C1GALT1: variants seen among roughly 807,000 people sequenced by gnomAD.
C1GALT1 encodes the protein core 1 synthase, glycoprotein-N-acetylgalactosamine 3-beta-galactosyltransferase 1, also known as glycoprotein-N-acetylgalactosamine 3-beta-galactosyltransferase 1.
In C1GALT1, 11 loss-of-function variants were observed where a neutral mutation model predicts 31.0. The observed-to-expected ratio is 0.36, with a 90% CI of 0.22 to 0.59. C1GALT1 has a LOEUF of 0.59. C1GALT1 is among the 20% of genes least tolerant of loss of function. The pLI, the probability that C1GALT1 is intolerant of heterozygous loss-of-function variation, is 0.79. For missense variants in C1GALT1, 424 were observed against 425.2 expected (o/e 1.00, Z 0.03); for synonymous variants, 175 against 143.6 (o/e 1.22, Z -1.56).
In C1GALT1 at chr7:7,234,419, A is replaced by G; in HGVS notation, c.100A>G (p.Lys34Glu). The change falls in exon 2 of 4, where the codon AAG becomes GAG. Residue 34 changes from lysine to glutamate, a missense_variant. By Grantham distance (56) the Lys-to-Glu change is moderately conservative. Coordinates refer to ENST00000436587, the MANE Select transcript of C1GALT1 (RefSeq NM_020156.5). ...GCTATTTAGTATTTTGTTGGGAGAA[A>G]AGGTTGACACCCAGCCTAATGTTCT... ...SQLFSILLGE[K>E]VDTQPNVLHN... 10 of 1,613,878 alleles carry G rather than the reference A, an allele frequency of 6.2e-6. No homozygotes were observed. Among genetic ancestry groups the G allele is most frequent in the Non-Finnish European group, 8.5e-6 (10 of 1,179,822 alleles).
intron 1 of C1GALT1, among the ~76,000 whole-genome samples, chr7:7,230,882 A>G (rs1334811515): frequency 6.6e-6 from 1 of 151,998 alleles, no homozygotes; most frequent in East Asian, 1.9e-4. Context: ...TTTAATGGTA[A>G]TAATACTAAT....
chr7:7,230,767 A>C (rs923117323), intron 1 of C1GALT1, among the ~76,000 whole-genome samples: 1 of 150,272 alleles, frequency 6.7e-6, no homozygotes, highest in Non-Finnish European at 1.5e-5. Flanking sequence ...GCTATTATTA[A>C]TCAGTTTTTT....
intron 1 of C1GALT1, among the ~76,000 whole-genome samples, chr7:7,223,577 T>C (rs931014682): frequency 1.3e-5 from 2 of 152,082 alleles, no homozygotes; most frequent in African/African-American, 4.8e-5. Flanking sequence ...TTTTTGTTTG[T>C]TTTTTATTAT....
chr7:7,191,398 G>A (rs1781065610), intron 1 of C1GALT1, among the ~76,000 whole-genome samples: 1 of 152,060 alleles, frequency 6.6e-6, no homozygotes, highest in Non-Finnish European at 1.5e-5. Context: ...GTGAACACGT[G>A]GTTTGCTTCA....
At chr7:7,208,982 C>G (rs758352677) in intron 1 of C1GALT1, among the ~76,000 whole-genome samples, 1 of 152,216 alleles carries the variant, frequency 6.6e-6, no homozygotes, top group Non-Finnish European at 1.5e-5. Flanking sequence ...GAGATAGATT[C>G]TACCAGCGTA....
chr7:7,234,554 A>G lies in C1GALT1; in HGVS notation c.220+15A>G. ...CCAACATAAAGGTATGGTTTACTTT[A>G]TTAAGCAGTAAACATAAGCAGTATT... On this transcript the variant is annotated intron_variant, in intron 2 of 3. Transcript: ENST00000436587. The G allele has an allele frequency of 6.4e-7, 1 of 1,569,006 alleles. No homozygotes were observed. Among genetic ancestry groups the G allele is most frequent in the Non-Finnish European group, 8.8e-7 (1 of 1,140,152 alleles).
chr7:7,159,362 C>T (rs1489803921), intron 2 of C1GALT1, among the ~76,000 whole-genome samples: 1 of 151,182 alleles, frequency 6.6e-6, no homozygotes, highest in Non-Finnish European at 1.5e-5. Context: ...TGGAAAGACG[C>T]GGGACAAATA....
At chr7:7,177,245 C>T (rs1583732357) in intron 2 of C1GALT1, among the ~76,000 whole-genome samples, 1 of 152,294 alleles carries the variant, frequency 6.6e-6, no homozygotes, top group East Asian at 1.9e-4. Flanking sequence ...ATTTACCTCT[C>T]AGGTTAGTCA....
intron 1 of C1GALT1, among the ~76,000 whole-genome samples, chr7:7,212,880 C>A (rs1300038870): frequency 6.6e-6 from 1 of 152,122 alleles, no homozygotes; most frequent in Admixed American, 6.5e-5. Context: ...AGGGGAATGT[C>A]ACGATGGCTT....
rs1394264104 is a variant in C1GALT1, at chr7:7,248,507, G to C, written c.*4780G>C. On this transcript the variant is annotated 3_prime_UTR_variant, in exon 4 of 4. Transcript: ENST00000436587. Reference sequence around the variant, plus strand: ...TCTGGTGACTTGCTTATTTTTAAGTGATCACCATTAAGTCAGAAAAATGTA... The same window carrying C: ...TCTGGTGACTTGCTTATTTTTAAGTCATCACCATTAAGTCAGAAAAATGTA... 6.6e-6 allele frequency: 1 copy of C among 151,980 alleles called. No individual in the cohort carries two copies. Among genetic ancestry groups the C allele is most frequent in the African/African-American group, 2.4e-5 (1 of 41,426 alleles). 9.4% of individuals were successfully genotyped at this position (151,980 alleles called of 1,614,324 possible).
chr7:7,214,460 C>G (rs566346701), intron 1 of C1GALT1, among the ~76,000 whole-genome samples: 2 of 152,220 alleles, frequency 1.3e-5, no homozygotes, highest in Middle Eastern at 3.4e-3. Context: ...TTAAGTATAC[C>G]TATAACTTGA....
chr7:7,180,058 C>T (rs1780553028), upstream of C1GALT1, among the ~76,000 whole-genome samples: 1 of 152,100 alleles, frequency 6.6e-6, no homozygotes, highest in Admixed American at 6.5e-5. Flanking sequence ...AATCAGAGTT[C>T]TACTAGTAAA....
chr7:7,200,545 C>T (rs1485932646), intron 1 of C1GALT1, among the ~76,000 whole-genome samples: 1 of 152,122 alleles, frequency 6.6e-6, no homozygotes, highest in Non-Finnish European at 1.5e-5. Context: ...GTTGGCCTGC[C>T]TCGCTAGATT....
upstream of C1GALT1, among the ~76,000 whole-genome samples, chr7:7,181,663 G>C (rs932879117): frequency 6.6e-6 from 1 of 152,176 alleles, no homozygotes; most frequent in East Asian, 1.9e-4. Context: ...CAAGATGCCA[G>C]CCCGGGCAGT....
At chr7:7,167,524 A>G (rs1288338750) in intron 2 of C1GALT1, among the ~76,000 whole-genome samples, 1 of 152,210 alleles carries the variant, frequency 6.6e-6, no homozygotes, top group East Asian at 1.9e-4. Flanking sequence ...TAAGAGTAAT[A>G]CATCTTTAAT....
chr7:7,233,828 A>G (rs1049801016), intron 1 of C1GALT1, among the ~76,000 whole-genome samples: 5 of 152,242 alleles, frequency 3.3e-5, no homozygotes, highest in Admixed American at 6.5e-5. Context: ...GGATTGTTTA[A>G]GAAGAAGATG....
chr7:7,243,505 G>GTT lies in C1GALT1; in HGVS notation c.889-17_889-16dup. The GTT allele has an allele frequency of 6.4e-7, 1 of 1,568,998 alleles. No homozygotes were observed. Among genetic ancestry groups the GTT allele is most frequent in the Non-Finnish European group, 8.6e-7 (1 of 1,160,520 alleles). On this transcript the variant is annotated intron_variant, in intron 3 of 3. Coordinates refer to ENST00000436587, the MANE Select transcript of C1GALT1 (RefSeq NM_020156.5). ...AATGTGCTGTTTATTAACAATACCT[G>GTT]TTTCCACTACTTTTTTAGGGTCCTG...
At chr7:7,221,721 T>G (rs1393770397) in intron 1 of C1GALT1, among the ~76,000 whole-genome samples, 1 of 152,190 alleles carries the variant, frequency 6.6e-6, no homozygotes, top group Non-Finnish European at 1.5e-5. Flanking sequence ...ATCCAAAACT[T>G]AAACTGTAGC....
chr7:7,227,370 ATTAATGGGTTAATAAC>A (rs1400381800), intron 1 of C1GALT1, among the ~76,000 whole-genome samples: 1 of 152,222 alleles, frequency 6.6e-6, no homozygotes, highest in Non-Finnish European at 1.5e-5. Context: ...GGTTTAATCC[ATTAATGGGTTAATAAC>A]TTAATGGGTT....
Sources: allele counts gnomAD v4.1 joint callset (sites outside exome capture counted in the v4.1 genomes callset), GRCh38; gene constraint gnomAD v4.1.1; transcripts MANE v1.5; gene names NCBI Gene and HGNC (gene_info 2026-07-23, HGNC 2026-07-21).